PRSS16: variants seen among roughly 807,000 people sequenced by gnomAD.
PRSS16 encodes the protein thymus-specific serine protease.
Under a neutral mutation model 61.7 loss-of-function variants are expected in PRSS16, and 43 were observed. The ratio of observed to expected loss-of-function variants is 0.70; its 90% CI spans 0.55 to 0.90. The LOEUF is 0.90. Ranked by LOEUF, PRSS16 falls within the 40% of genes least tolerant of loss-of-function variation. PRSS16 has a pLI of 0.00. For missense variants in PRSS16, 591 were observed against 659.1 expected (o/e 0.90, Z 1.13); for synonymous variants, 273 against 285.2 (o/e 0.96, Z 0.43).
intron 3 of PRSS16, 57 bp from the exon 4 acceptor site, chr6:27,249,043 G>C: frequency 6.7e-7 from 1 of 1,486,890 alleles, no homozygotes; most frequent in Non-Finnish European, 9.3e-7. Context: ...GGAGTGAAAG[G>C]GCTTAAACTC....
chr6:27,249,131 C>T lies in PRSS16; in HGVS notation c.369C>T (p.Gly123=), dbSNP rs376298678. The T allele has an allele frequency of 2.9e-5, 47 of 1,595,642 alleles. No individual in the cohort carries two copies. In the African/African-American group the frequency reaches 3.3e-4, roughly 11 times the overall value. ...GHPAALAPAW[G]ALVISLEHRF... ...CCGCAGCCTTGGCCCCAGCCTGGGG[C>T]GCCCTGGTGATAAGCCTGGAACACA... Residue 123 remains glycine, a synonymous_variant, in exon 4 of 12, where the codon GGC becomes GGT. Coordinates refer to ENST00000230582, the MANE Select transcript of PRSS16 (RefSeq NM_005865.4).
chr6:27,250,857 G>A (rs764442382), intron 5 of PRSS16, 51 bp downstream of exon 5: 1 of 1,572,938 alleles, frequency 6.4e-7, no homozygotes. Context: ...GGACTCCAGG[G>A]CCCCAGTCTC....
chr6:27,252,093 C>G lies in PRSS16; in HGVS notation c.1008+53C>G. On this transcript the variant is annotated intron_variant, in intron 8 of 11. Transcript: ENST00000230582. This position sits in a 1 kb window ranked among gnomAD's most constrained non-coding sequence, Gnocchi z 4.2. Reference sequence around the variant, plus strand: ...GAGTTAGCGGACAAAGATTCCTGCCCCACTTCCGTTGTGTGATCTTGGGCA... The same window carrying G: ...GAGTTAGCGGACAAAGATTCCTGCCGCACTTCCGTTGTGTGATCTTGGGCA... 1 of 1,437,196 alleles carries G rather than the reference C, an allele frequency of 7.0e-7. No individual in the cohort carries two copies. 89.0% of individuals were successfully genotyped at this position (1,437,196 alleles called of 1,614,324 possible).
In PRSS16 at chr6:27,251,585, T is replaced by TTGGGGGCGGGGGCGGGGGCC; in HGVS notation, c.718-152_718-151insGGGGGCCTGGGGGCGGGGGC. 2.1e-6 allele frequency: 1 copy of TTGGGGGCGGGGGCGGGGGCC among 472,968 alleles called. No individual in the cohort carries two copies. Among genetic ancestry groups the TTGGGGGCGGGGGCGGGGGCC allele is most frequent in the Non-Finnish European group, 3.0e-6 (1 of 336,136 alleles). The allele number at this position is 472,968 out of a possible 1,614,324, so 29.3% of individuals were successfully genotyped here. Reference sequence around the variant, plus strand: ...AGAAGGAGGGCTGCGAGGCAGGGGATTGGGGGCGGGGGCCTGGGGGCGGGG... The same window carrying TTGGGGGCGGGGGCGGGGGCC: ...AGAAGGAGGGCTGCGAGGCAGGGGATTGGGGGCGGGGGCGGGGGCCTGGGGGCGGGGGCCTGGGGGCGGGG... On this transcript the variant is annotated intron_variant, in intron 7 of 11. Transcript: ENST00000230582. This position sits in a 1 kb window ranked among gnomAD's most constrained non-coding sequence, Gnocchi z 5.6.
intron 4 of PRSS16, among the ~76,000 whole-genome samples, 189 bp downstream of exon 4, chr6:27,249,418 T>A (rs891470238): frequency 9.9e-5 from 15 of 152,270 alleles, no homozygotes; most frequent in Non-Finnish European, 2.1e-4. Context: ...TGACTCTCCC[T>A]ATCTGTCTTT....
Position 27,247,722 on chromosome 6 carries a change from C to A in PRSS16, c.-16C>A, listed in dbSNP as rs1761249866. On this transcript the variant is annotated 5_prime_UTR_variant, in exon 1 of 12. Transcript: ENST00000230582. Reference sequence around the variant, plus strand: ...AGATAAAGGTCCTCCTGGGGGAGAACAGAGTCCCGAACACCATGGCCGTCT... The same window carrying A: ...AGATAAAGGTCCTCCTGGGGGAGAAAAGAGTCCCGAACACCATGGCCGTCT... 1.9e-6 allele frequency: 3 copies of A among 1,557,902 alleles called. No individual in the cohort carries two copies. The highest frequency in any genetic ancestry group is 1.4e-5 in the African/African-American group (1 of 73,346).
At position 27,251,753 on chromosome 6, in the gene PRSS16, C is replaced by G. The variant is rs771118066; in HGVS notation, c.721C>G (p.Arg241Gly). The change falls in exon 8 of 12, where the codon CGG becomes GGG. Residue 241 changes from arginine (R) to glycine (G), a missense_variant. Physicochemically the swap from Arg to Gly is moderately radical, Grantham distance 125. Coordinates refer to ENST00000230582, the MANE Select transcript of PRSS16 (RefSeq NM_005865.4). This position sits in a 1 kb window ranked among gnomAD's most constrained non-coding sequence, Gnocchi z 5.6. ...STAIGGSLECRAAVSVAFAEV... is the reference protein window; with the variant it reads ...STAIGGSLECGAAVSVAFAEV... The stretch of plus-strand genomic sequence containing the variant: ...CATCGCCTCTTGCTTCCCACAGTGC[C>G]GGGCGGCGGTGTCCGTCGCCTTCGC... 1 of 1,601,556 alleles carries G rather than the reference C, an allele frequency of 6.2e-7. No individual in the cohort carries two copies. The highest frequency in any genetic ancestry group is 1.8e-5 in the Admixed American group (1 of 57,024).
At position 27,251,530 on chromosome 6, in the gene PRSS16, A is replaced by G. The variant is rs891079113; in HGVS notation, c.718-220A>G. The G allele has an allele frequency of 1.0e-4, 68 of 649,164 alleles. 1 individual carries two copies. In the South Asian group the frequency reaches 1.4e-3, roughly 14 times the overall value. The allele number at this position is 649,164 out of a possible 1,614,324, so 40.2% of individuals were successfully genotyped here. On this transcript the variant is annotated intron_variant, in intron 7 of 11. Transcript: ENST00000230582. The surrounding 1 kb of genome is among the most constrained non-coding windows in gnomAD (Gnocchi z 5.6). Reference sequence around the variant, plus strand: ...AGGCTCAAGGTGGGGCGGGGCCACAATGGAGGACGGGGCCTGCAGGGAAGA... The same window carrying G: ...AGGCTCAAGGTGGGGCGGGGCCACAGTGGAGGACGGGGCCTGCAGGGAAGA...
chr6:27,248,199 C>T, intron 2 of PRSS16, 151 bp downstream of exon 2: 1 of 1,018,288 alleles, frequency 9.8e-7, no homozygotes, highest in Non-Finnish European at 1.4e-6. Context: ...TGTCAGTATC[C>T]CTTTTCCTGC....
chr6:27,252,972 A>C lies in PRSS16; in HGVS notation c.1150+23A>C, dbSNP rs1490752082. 9 of 1,614,036 alleles carry C rather than the reference A, an allele frequency of 5.6e-6. No individual in the cohort carries two copies. The highest frequency in any genetic ancestry group is 7.6e-6 in the Non-Finnish European group (9 of 1,179,968). On this transcript the variant is annotated intron_variant, in intron 9 of 11. Transcript: ENST00000230582. The surrounding 1 kb of genome is among the most constrained non-coding windows in gnomAD (Gnocchi z 4.2). ...TCTGTAAGTGACTGGCCTAACCCTA[A>C]CTTTGTCCCCTCAAACAACCTTTTT...
intron 9 of PRSS16, chr6:27,253,921 C>G (rs1561775140): frequency 6.5e-6 from 1 of 152,684 alleles, no homozygotes; most frequent in Non-Finnish European, 1.5e-5. Flanking sequence ...CATTAGTCTT[C>G]CTAACATCTT....
In PRSS16 at chr6:27,248,857, T is replaced by G. The variant is rs1342867800; in HGVS notation, c.248T>G (p.Val83Gly). 1 of 1,607,998 alleles carries G rather than the reference T, an allele frequency of 6.2e-7. No individual in the cohort carries two copies. Among genetic ancestry groups the G allele is most frequent in the Non-Finnish European group, 8.5e-7 (1 of 1,176,618 alleles). Residue 83 changes from valine to glycine, a missense_variant, in exon 3 of 12, where the codon GTG becomes GGG. Val to Gly is a moderately radical substitution (Grantham distance 109, BLOSUM62 -3). Coordinates refer to ENST00000230582, the MANE Select transcript of PRSS16 (RefSeq NM_005865.4). Reference sequence around the variant, plus strand: ...CATCCCACCTCTCAGCGTTACTGGGTGAATGACCAACATTGGGTTGGCCAG... The same window carrying G: ...CATCCCACCTCTCAGCGTTACTGGGGGAATGACCAACATTGGGTTGGCCAG... ...DRRSFLQRYW[V>G]NDQHWVGQDG... is the part of the protein sequence containing the mutation.
Position 27,252,689 on chromosome 6 carries a change from A to T in PRSS16, c.1009-119A>T. 9.2e-7 allele frequency: 1 copy of T among 1,085,746 alleles called. No individual in the cohort carries two copies. The highest frequency in any genetic ancestry group is 1.3e-6 in the Non-Finnish European group (1 of 747,778). 67.3% of individuals were successfully genotyped at this position (1,085,746 alleles called of 1,614,324 possible). On this transcript the variant is annotated intron_variant, in intron 8 of 11. Coordinates refer to ENST00000230582, the MANE Select transcript of PRSS16 (RefSeq NM_005865.4). The surrounding 1 kb of genome is among the most constrained non-coding windows in gnomAD (Gnocchi z 4.2). ...CCTCTGACCACTGACTCCCAGGAGA[A>T]CTCAGGAACTCACCCTTCTATTTCT...
intron 4 of PRSS16, 76 bp from the exon 5 acceptor site, chr6:27,250,607 G>A: frequency 6.6e-7 from 1 of 1,504,776 alleles, no homozygotes; most frequent in Non-Finnish European, 8.9e-7. Flanking sequence ...CTCTGGATCC[G>A]GGTTTCCCCC....
chr6:27,251,211 C>T lies in PRSS16; in HGVS notation c.670-6C>T, dbSNP rs1759883605. 1 of 1,612,948 alleles carries T rather than the reference C, an allele frequency of 6.2e-7. No individual in the cohort carries two copies. The highest frequency in any genetic ancestry group is 1.1e-5 in the South Asian group (1 of 90,978). ...CCGGATACCTTCCTCTGCGGTCCGC[C>T]CACAGGTGGTATCCCGAAGCCTAAT... is the stretch of plus-strand genomic sequence containing the variant. On this transcript the variant is annotated splice_polypyrimidine_tract_variant and splice_region_variant and intron_variant, in intron 6 of 11. Transcript: ENST00000230582. This position sits in a 1 kb window ranked among gnomAD's most constrained non-coding sequence, Gnocchi z 5.6.
Position 27,248,900 on chromosome 6 carries a change from G to A in PRSS16, c.291G>A (p.Leu97=), listed in dbSNP as rs1173586366. ...HWVGQDGPIF[L]HLGGEGSLGP... Reference sequence around the variant, plus strand: ...TTGGCCAGGATGGACCCATATTCCTGCATCTAGGGGGTGAGGGCAGCCTTG... The same window carrying A: ...TTGGCCAGGATGGACCCATATTCCTACATCTAGGGGGTGAGGGCAGCCTTG... Residue 97 remains leucine (L), a synonymous_variant, in exon 3 of 12, where the codon CTG becomes CTA. Transcript: ENST00000230582. 6.2e-7 allele frequency: 1 copy of A among 1,613,116 alleles called. No homozygotes were observed. Among genetic ancestry groups the A allele is most frequent in the Admixed American group, 1.7e-5 (1 of 59,882 alleles).
In PRSS16 at chr6:27,247,987, TG is replaced by T. The variant is rs1761258413; in HGVS notation, c.180del (p.Trp61GlyfsTer23). 1.2e-6 allele frequency: 2 copies of T among 1,613,082 alleles called. No homozygotes were observed. Among genetic ancestry groups the T allele is most frequent in the African/African-American group, 1.3e-5 (1 of 74,882 alleles). On this transcript the variant is annotated frameshift_variant, in exon 2 of 12. Transcript: ENST00000230582. LOFTEE classifies it high-confidence loss of function. ...CCAGGTGCTGCAGCCCTCCCAAAAG[TG>T]GGGTGGCTGGAGCAACTGCTGGACC... The part of the protein sequence containing the change: ...LGPGAAALPK[V>X]GWLEQLLDPF...
Position 27,255,576 on chromosome 6 carries a change from A to C in PRSS16, c.*261A>C. On this transcript the variant is annotated 3_prime_UTR_variant, in exon 12 of 12. Coordinates refer to ENST00000230582, the MANE Select transcript of PRSS16 (RefSeq NM_005865.4). This position sits in a 1 kb window ranked among gnomAD's most constrained non-coding sequence, Gnocchi z 4.4. The stretch of plus-strand genomic sequence containing the variant: ...ATTTTGAATGTTAAATGTCAAACAA[A>C]TGTGACTTATGCTGGTGCCCTCGCC... 2.6e-6 allele frequency: 1 copy of C among 391,304 alleles called. No individual in the cohort carries two copies. 24.2% of individuals were successfully genotyped at this position (391,304 alleles called of 1,614,324 possible). A position where few individuals can be genotyped will look rare whatever the true frequency, so the allele number is the denominator to read the frequency against.
chr6:27,251,037 C>T lies in PRSS16; in HGVS notation c.592-5C>T, dbSNP rs780561650. ...CCCGCAGGCTGACGGCGTCTCCTCC[C>T]TTAGTTCCCCCATCTCATTTTCGCG... On this transcript the variant is annotated splice_region_variant and splice_polypyrimidine_tract_variant and intron_variant, in intron 5 of 11. Transcript: ENST00000230582. The surrounding 1 kb of genome is among the most constrained non-coding windows in gnomAD (Gnocchi z 5.6). 16 of 1,613,822 alleles carry T rather than the reference C, an allele frequency of 9.9e-6. No homozygotes were observed. In the Admixed American group the frequency reaches 2.3e-4, roughly 24 times the overall value.
Sources: gnomAD v4.1 joint callset for allele counts (sites outside exome capture counted in the v4.1 genomes callset) on GRCh38, gnomAD v4.1.1 for gene constraint, Gnocchi (gnomAD v3.1) non-coding constraint, MANE v1.5 for transcripts, NCBI Gene and HGNC (gene_info 2026-07-23, HGNC 2026-07-21) for gene names.